Variants in TDRD12 observed in about 807,000 individuals in gnomAD.
The protein encoded by TDRD12 is tudor domain containing 12, also known as putative ATP-dependent RNA helicase TDRD12.
Under a neutral mutation model 133.5 loss-of-function variants are expected in TDRD12, and 158 were observed. The observed-to-expected ratio is 1.18, with a 90% CI of 1.04 to 1.35. The LOEUF (loss-of-function observed/expected upper bound fraction) is 1.35, where lower values mean the gene tolerates loss of function less well. Ranked by LOEUF, TDRD12 falls within the 40% of genes most tolerant of loss-of-function variation. The pLI is 0.00. For synonymous variants in TDRD12, 460 were observed against 477.9 expected, an observed-to-expected ratio of 0.96 and a Z score of 0.49; for missense variants, 1,443 against 1,321.3, an observed-to-expected ratio of 1.09 and a Z score of -1.43.
chr19:32,742,450 C>T (rs1969458462), intron 3 of TDRD12, among the ~76,000 whole-genome samples: 1 of 152,130 alleles, frequency 6.6e-6, no homozygotes. Context: ...TGTGAACCAC[C>T]ACACCTGGCC....
At chr19:32,808,439 G>A (rs985391016) in intron 22 of TDRD12, among the ~76,000 whole-genome samples, 2 of 152,110 alleles carry the variant, frequency 1.3e-5, no homozygotes, top group African/African-American at 2.4e-5. Flanking sequence ...CTCGCCTGGC[G>A]TCCTTGCATC....
At chr19:32,739,893 TG>T (rs1189451795) in intron 3 of TDRD12, among the ~76,000 whole-genome samples, 3 of 137,674 alleles carry the variant, frequency 2.2e-5, no homozygotes, top group East Asian at 2.4e-4. Flanking sequence ...CTGCATCTCC[TG>T]GGTGCTGTCT....
intron 11 of TDRD12, among the ~76,000 whole-genome samples, chr19:32,787,021 T>A (rs763780434): frequency 7.2e-5 from 11 of 152,214 alleles, no homozygotes; most frequent in Non-Finnish European, 1.3e-4. Flanking sequence ...GTTTTTGGAA[T>A]TTTCAGCCTT....
chr19:32,742,956 C>G, intron 4 of TDRD12, 56 bp downstream of exon 4: 1 of 1,541,424 alleles, frequency 6.5e-7, no homozygotes, highest in South Asian at 1.2e-5. Context: ...CTATCAAGTG[C>G]ACGATCTTTG....
At chr19:32,755,910 T>G (rs777900655) in intron 6 of TDRD12, 82 bp from the exon 7 acceptor site, 20 of 1,033,292 alleles carry the variant, frequency 1.9e-5, no homozygotes, top group Non-Finnish European at 2.7e-5. Flanking sequence ...GGTAGAACTT[T>G]GGGGTTAAGT....
chr19:32,737,625 G>A (rs1969263886), intron 2 of TDRD12, among the ~76,000 whole-genome samples: 1 of 152,122 alleles, frequency 6.6e-6, no homozygotes, highest in African/African-American at 2.4e-5. Flanking sequence ...CAATTCCTGG[G>A]TTCAAGCGAT....
At chr19:32,798,457 C>CA in intron 16 of TDRD12, 22 bp downstream of exon 16, 1 of 1,519,176 alleles carries the variant, frequency 6.6e-7, no homozygotes, top group Non-Finnish European at 8.8e-7. Context: ...TTAAGGTCCT[C>CA]AGCACTCAGA....
At position 32,726,441 on chromosome 19, in the gene TDRD12, T is replaced by C. The variant is rs553416420; in HGVS notation, c.25-5284T>C. On this transcript the variant is annotated intron_variant, in intron 1 of 27. Transcript: ENST00000444215. The stretch of plus-strand genomic sequence containing the variant: ...CCCTCTCCAGAAGTCTTTTTCCTTT[T>C]GCAAAACTGAAACTCTGCTTTCTCT... 2.0e-5 allele frequency among the ~76,000 whole-genome samples: 3 copies of C among 152,304 alleles called. No individual in the cohort carries two copies. The South Asian group carries it at 6.2e-4, about 32-fold the overall frequency.
At chr19:32,799,106 G>A (rs1033825975) in intron 16 of TDRD12, among the ~76,000 whole-genome samples, 2 of 152,210 alleles carry the variant, frequency 1.3e-5, no homozygotes, top group African/African-American at 4.8e-5. Context: ...AGGGATTCAT[G>A]GGTCAGAGGC....
At chr19:32,803,101 A>T (rs534631869) in exon 21 of TDRD12, 1 of 1,535,364 alleles carries the variant, frequency 6.5e-7, no homozygotes, top group East Asian at 2.4e-5. Flanking sequence ...AGAAAGCCGG[A>T]AGGCCTCTTT....
intron 11 of TDRD12, among the ~76,000 whole-genome samples, chr19:32,779,311 T>C (rs1220184301): frequency 6.6e-6 from 1 of 152,214 alleles, no homozygotes; most frequent in African/African-American, 2.4e-5. Context: ...TTTCTTTTCC[T>C]GTCTTTTTGT....
intron 13 of TDRD12, among the ~76,000 whole-genome samples, chr19:32,793,171 C>T (rs1971119741): frequency 6.9e-6 from 1 of 144,278 alleles, no homozygotes; most frequent in Non-Finnish European, 1.5e-5. Context: ...GGGCACAGAA[C>T]GAGACTCTGT....
chr19:32,802,736 A>G (rs921360228), exon 20 of TDRD12: 64 of 1,536,406 alleles, frequency 4.2e-5, no homozygotes, highest in Non-Finnish European at 5.0e-5. Context: ...TGCCTCACCA[A>G]AAGTTTTTGG....
intron 23 of TDRD12, among the ~76,000 whole-genome samples, chr19:32,810,845 T>G (rs2145728100): frequency 6.6e-6 from 1 of 152,154 alleles, no homozygotes; most frequent in South Asian, 2.1e-4. Context: ...TGAGCTATGA[T>G]CATGCCACTG....
intron 26 of TDRD12, among the ~76,000 whole-genome samples, chr19:32,816,469 C>G (rs1197368029): frequency 3.3e-5 from 5 of 152,210 alleles, no homozygotes; most frequent in African/African-American, 1.2e-4. Flanking sequence ...GGCATAAATT[C>G]TCTAAATTCT....
intron 13 of TDRD12, among the ~76,000 whole-genome samples, chr19:32,791,737 T>A (rs983022707): frequency 6.6e-6 from 1 of 151,966 alleles, no homozygotes; most frequent in Non-Finnish European, 1.5e-5. Flanking sequence ...TTTGGAGAAA[T>A]TTGAATGGCT....
At chr19:32,746,914 G>T in intron 4 of TDRD12, among the ~76,000 whole-genome samples, 1 of 147,966 alleles carries the variant, frequency 6.8e-6, no homozygotes, top group South Asian at 2.2e-4. Context: ...GAGAGGGAGA[G>T]ACTGGCTGAT....
rs1198396554 is a variant in TDRD12 at position 32,773,314 on chromosome 19, ATCTC to A, written c.964-138_964-135del. The A allele has an allele frequency of 1.4e-5, 10 of 706,288 alleles. 1 individual carries two copies. The highest frequency in any genetic ancestry group is 4.8e-6 in the Non-Finnish European group (2 of 418,026). The allele number at this position is 706,288 out of a possible 1,614,324, so 43.8% of individuals were successfully genotyped here. Reference sequence around the variant, plus strand: ...TAATCACCCAACTTTCCAGTTTTTTATCTCTCTATCTCTGTGTGTGCATGAAAGA... The same window carrying A: ...TAATCACCCAACTTTCCAGTTTTTTATCTATCTCTGTGTGTGCATGAAAGA... On this transcript the variant is annotated intron_variant, in intron 9 of 27. Coordinates refer to ENST00000444215, the Ensembl canonical transcript of TDRD12.
exon 10 of TDRD12, chr19:32,827,368 T>TTTTCTTTTC (rs1288633704): frequency 0.025 from 8,785 of 357,094 alleles, 372 homozygotes; most frequent in Admixed American, 0.031. Context: ...TTTTCTTTTC[T>TTTTCTTTTC]TTTCTTTTTT....
Sources: gnomAD v4.1 joint callset for allele counts (sites outside exome capture counted in the v4.1 genomes callset) on GRCh38, gnomAD v4.1.1 for gene constraint, MANE v1.5 for transcripts, NCBI Gene and HGNC (gene_info 2026-07-23, HGNC 2026-07-21) for gene names.